CACNA2D2: variants seen among roughly 807,000 people sequenced by gnomAD.
CACNA2D2 encodes the protein voltage-dependent calcium channel subunit alpha-2/delta-2.
Under a neutral mutation model 166.4 loss-of-function variants are expected in CACNA2D2, and 48 were observed. The observed-to-expected ratio is 0.29, with a 90% CI of 0.23 to 0.37. The LOEUF (loss-of-function observed/expected upper bound fraction) is 0.37. CACNA2D2 is among the 10% of genes least tolerant of loss of function. The probability of loss-of-function intolerance (pLI) is 1.00; values close to 1 mark genes in which losing one functional copy is unlikely to be tolerated. For synonymous variants in CACNA2D2, 561 were observed against 573.7 expected, an observed-to-expected ratio of 0.98 and a Z score of 0.32; for missense variants, 1,122 against 1,433.0, an observed-to-expected ratio of 0.78 and a Z score of 3.50.
At chr3:50,487,303 C>G (rs1176937957) in intron 1 of CACNA2D2, among the ~76,000 whole-genome samples, 1 of 152,222 alleles carries the variant, frequency 6.6e-6, no homozygotes, top group African/African-American at 2.4e-5. Context: ...ACTGCCTCCA[C>G]AAGCAAGCCA....
chr3:50,387,375 A>G (rs587631137), intron 5 of CACNA2D2, among the ~76,000 whole-genome samples, 193 bp downstream of exon 5: 25 of 152,294 alleles, frequency 1.6e-4, no homozygotes, highest in African/African-American at 6.0e-4. Flanking sequence ...AGCTCAGCCC[A>G]CTAGTGCACA....
chr3:50,490,643 A>G (rs150732714), intron 1 of CACNA2D2, among the ~76,000 whole-genome samples: 1 of 152,272 alleles, frequency 6.6e-6, no homozygotes, highest in Non-Finnish European at 1.5e-5. Flanking sequence ...AGGCTGCTCC[A>G]TTTTCCACAG....
chr3:50,397,827 G>A (rs1429231014), intron 3 of CACNA2D2, among the ~76,000 whole-genome samples: 4 of 152,214 alleles, frequency 2.6e-5, no homozygotes, highest in Non-Finnish European at 4.4e-5. Flanking sequence ...CTCTGGACAA[G>A]GTGGGCTTTA....
intron 2 of CACNA2D2, among the ~76,000 whole-genome samples, chr3:50,458,434 A>C (rs573991265): frequency 1.1e-4 from 17 of 152,180 alleles, no homozygotes; most frequent in Admixed American, 2.0e-4. Context: ...TAGGCAGTAG[A>C]CAGGGAGTCT....
intron 3 of CACNA2D2, among the ~76,000 whole-genome samples, chr3:50,401,091 C>T (rs1706426325): frequency 6.6e-6 from 1 of 152,220 alleles, no homozygotes; most frequent in Admixed American, 6.5e-5. Flanking sequence ...ACAATTCCAG[C>T]AAACAGAAGC....
chr3:50,367,595 G>T lies in CACNA2D2; in HGVS notation c.2297+47C>A. The T allele has an allele frequency of 6.2e-7, 1 of 1,606,196 alleles. No individual in the cohort carries two copies. Among genetic ancestry groups the T allele is most frequent in the East Asian group, 2.2e-5 (1 of 44,596 alleles). ...GAGGCCTCTGGGCAGAACAGATGCA[G>T]GTTCCCTGGCAGGGGCAGGGTTTGG... On this transcript the variant is annotated intron_variant, in intron 26 of 37. Transcript: ENST00000424201. This position sits in a 1 kb window ranked among gnomAD's most constrained non-coding sequence, Gnocchi z 6.5.
At chr3:50,436,055 T>C (rs548859943) in intron 2 of CACNA2D2, among the ~76,000 whole-genome samples, 1 of 152,262 alleles carries the variant, frequency 6.6e-6, no homozygotes, top group African/African-American at 2.4e-5. Context: ...ACCTAGAGCC[T>C]AGCACCTTAC....
At chr3:50,369,141 C>T (rs1048229568) in intron 23 of CACNA2D2, among the ~76,000 whole-genome samples, 2 of 152,220 alleles carry the variant, frequency 1.3e-5, no homozygotes, top group African/African-American at 2.4e-5. Flanking sequence ...GCCTGCACCT[C>T]TGTGCCTAGA....
rs956411099 is a variant in CACNA2D2, at chr3:50,429,420, A to G, written c.405+4893T>C. ...CTTGGTGGGCACTCAGAGGCCAGTA[A>G]TCCTGGGAAGTAAAGATTTCGACCA... On this transcript the variant is annotated intron_variant, in intron 3 of 37. Coordinates refer to ENST00000424201, the MANE Select transcript of CACNA2D2 (RefSeq NM_006030.4). Among the ~76,000 whole-genome samples, 9 of 152,004 alleles carry G rather than the reference A, an allele frequency of 5.9e-5. No homozygotes were observed. In the East Asian group the frequency reaches 1.8e-3, roughly 30 times the overall value.
chr3:50,363,685 TGCAGGCAGTG>T lies in CACNA2D2; in HGVS notation c.*971_*980del. 1 of 163,100 alleles carries T rather than the reference TGCAGGCAGTG, an allele frequency of 6.1e-6. No individual in the cohort carries two copies. The highest frequency in any genetic ancestry group is 1.8e-4 in the East Asian group (1 of 5,632). The allele number at this position is 163,100 out of a possible 1,614,324, so 10.1% of individuals were successfully genotyped here. A position where few individuals can be genotyped will look rare whatever the true frequency, so the allele number is the denominator to read the frequency against. On this transcript the variant is annotated 3_prime_UTR_variant, in exon 38 of 38. Coordinates refer to ENST00000424201, the MANE Select transcript of CACNA2D2 (RefSeq NM_006030.4). ...TGGTGGGGGTTCCTCTGCCGAAAGG[TGCAGGCAGTG>T]GCATGTGGTCCCACTGGGGGCCTGA...
chr3:50,413,440 GC>G (rs1422649594), intron 3 of CACNA2D2, among the ~76,000 whole-genome samples: 1 of 152,132 alleles, frequency 6.6e-6, no homozygotes, highest in Non-Finnish European at 1.5e-5. Context: ...CTGGAATTGG[GC>G]CATGGCTGTG....
At chr3:50,463,760 G>C (rs1709693992) in intron 2 of CACNA2D2, among the ~76,000 whole-genome samples, 1 of 152,248 alleles carries the variant, frequency 6.6e-6, no homozygotes, top group Admixed American at 6.5e-5. Flanking sequence ...CCTCAACCCA[G>C]TGGCCTCCTT....
At chr3:50,408,603 C>A (rs1473599266) in intron 3 of CACNA2D2, among the ~76,000 whole-genome samples, 1 of 152,252 alleles carries the variant, frequency 6.6e-6, no homozygotes, top group East Asian at 1.9e-4. Flanking sequence ...GGAGTAAAGG[C>A]GGCCAGTGGG....
intron 4 of CACNA2D2, among the ~76,000 whole-genome samples, chr3:50,393,250 C>T (rs1705972460): frequency 6.6e-6 from 1 of 152,172 alleles, no homozygotes; most frequent in Non-Finnish European, 1.5e-5. Context: ...GGTCTGCCAC[C>T]CCCACCCTGC....
At chr3:50,390,625 G>A (rs1004231494) in intron 4 of CACNA2D2, among the ~76,000 whole-genome samples, 2 of 152,144 alleles carry the variant, frequency 1.3e-5, no homozygotes, top group Non-Finnish European at 2.9e-5. Flanking sequence ...GTAGGAGTTG[G>A]GGGAGTCACC....
chr3:50,487,000 C>A (rs1447474407), intron 1 of CACNA2D2, among the ~76,000 whole-genome samples: 1 of 152,222 alleles, frequency 6.6e-6, no homozygotes, highest in African/African-American at 2.4e-5. Flanking sequence ...GCTGGGCACT[C>A]CATGTGATTT....
At chr3:50,401,100 G>C (rs1169553068) in intron 3 of CACNA2D2, among the ~76,000 whole-genome samples, 2 of 152,362 alleles carry the variant, frequency 1.3e-5, no homozygotes, top group Admixed American at 6.5e-5. Context: ...GCAAACAGAA[G>C]CCTGCAAGGA....
At chr3:50,457,198 C>T (rs778908430) in intron 2 of CACNA2D2, among the ~76,000 whole-genome samples, 103 of 152,180 alleles carry the variant, frequency 6.8e-4, no homozygotes, top group African/African-American at 2.3e-3. Context: ...TGCAGTGAGC[C>T]GAAATTGCAC....
At chr3:50,390,626 G>A (rs1033927469) in intron 4 of CACNA2D2, among the ~76,000 whole-genome samples, 25 of 152,126 alleles carry the variant, frequency 1.6e-4, no homozygotes, top group African/African-American at 6.0e-4. Context: ...TAGGAGTTGG[G>A]GGAGTCACCC....
Sources: gnomAD v4.1 joint callset for allele counts (sites outside exome capture counted in the v4.1 genomes callset) on GRCh38, gnomAD v4.1.1 for gene constraint, Gnocchi (gnomAD v3.1) non-coding constraint, MANE v1.5 for transcripts, NCBI Gene and HGNC (gene_info 2026-07-23, HGNC 2026-07-21) for gene names.